The following ASPG variants were observed in gnomAD, a reference collection of about 807,000 sequenced individuals.
ASPG encodes the protein 60 kDa lysophospholipase.
ASPG carries 53 observed loss-of-function variants against 63.2 expected under a neutral mutation model. The ratio of observed to expected loss-of-function variants is 0.84; its 90% CI spans 0.67 to 1.05. The LOEUF (loss-of-function observed/expected upper bound fraction) is 1.05. ASPG is among the 50% of genes least tolerant of loss of function. The pLI is 0.00. For synonymous variants in ASPG, 370 were observed against 355.0 expected (o/e 1.04, Z -0.48); for missense variants, 741 against 794.4 (o/e 0.93, Z 0.81).
chr14:104,093,549 G>T lies in ASPG; in HGVS notation c.250G>T (p.Asp84Tyr). The part of the protein sequence containing the change: ...YTVLECQPLF[D>Y]SSDMTIAEWV... ...CGTGCTGGAGTGCCAGCCCCTCTTC[G>T]ACTCCAGTGACATGACCATCGCTGA... Residue 84 changes from aspartate to tyrosine, a missense_variant, in exon 3 of 16, where the codon GAC becomes TAC. Physicochemically the swap from Asp to Tyr is radical, Grantham distance 160. Transcript: ENST00000551177. 6.2e-7 allele frequency: 1 copy of T among 1,612,608 alleles called. No individual in the cohort carries two copies. Among genetic ancestry groups the T allele is most frequent in the Non-Finnish European group, 8.5e-7 (1 of 1,179,758 alleles).
intron 10 of ASPG, among the ~76,000 whole-genome samples, chr14:104,106,479 G>A (rs767223388): frequency 2.0e-5 from 3 of 152,306 alleles, no homozygotes; most frequent in Admixed American, 2.0e-4. Flanking sequence ...TCCCGACGGC[G>A]GTGGGAGCAG....
intron 3 of ASPG, among the ~76,000 whole-genome samples, chr14:104,094,701 G>A (rs1380664412): frequency 6.6e-6 from 1 of 152,218 alleles, no homozygotes; most frequent in Non-Finnish European, 1.5e-5. Context: ...CGGGCAAGGC[G>A]TGACTGCTTT....
chr14:104,094,433 C>T (rs1420201260), intron 3 of ASPG, among the ~76,000 whole-genome samples: 2 of 151,944 alleles, frequency 1.3e-5, no homozygotes, highest in Non-Finnish European at 2.9e-5. Context: ...CTGTGTGCTC[C>T]CCCTGCAGGC....
intron 15 of ASPG, among the ~76,000 whole-genome samples, chr14:104,112,254 C>G (rs888139795): frequency 2.6e-5 from 4 of 152,080 alleles, no homozygotes; most frequent in African/African-American, 7.2e-5. Flanking sequence ...CACTGAGGGC[C>G]CAGCCAGGGC....
intron 4 of ASPG, among the ~76,000 whole-genome samples, chr14:104,096,631 G>T (rs1031173538): frequency 6.6e-6 from 1 of 152,220 alleles, no homozygotes; most frequent in African/African-American, 2.4e-5. Flanking sequence ...CTCTCTAGGG[G>T]ATCAAGGGCA....
At position 104,085,781 on chromosome 14, in the gene ASPG, CGGTG is replaced by C. The variant is rs2036205212; in HGVS notation, c.14_17del (p.Val5GlyfsTer34). Reference sequence around the variant, plus strand: ...GGTCCCCGGTCCGGCATGGCGCGCGCGGTGGGGCCCGAGCGGAGGCTGCTGGCCG... The same window carrying C: ...GGTCCCCGGTCCGGCATGGCGCGCGCGGGCCCGAGCGGAGGCTGCTGGCCG... On this transcript the variant is annotated frameshift_variant, in exon 1 of 16. Transcript: ENST00000551177. LOFTEE classifies it high-confidence loss of function. The C allele has an allele frequency of 8.8e-6, 14 of 1,584,176 alleles. No individual in the cohort carries two copies. Among genetic ancestry groups the C allele is most frequent in the Non-Finnish European group, 1.1e-5 (13 of 1,172,414 alleles).
Position 104,095,753 on chromosome 14 carries a change from C to T in ASPG, c.429+97C>T, listed in dbSNP as rs2036570463. ...CGGCCGCTGCGGGACCCCGGGCTTC[C>T]TGCTCAGCCCAGCAGCTCCTGAGGT... is the stretch of plus-strand genomic sequence containing the variant. On this transcript the variant is annotated intron_variant, in intron 4 of 15. Coordinates refer to ENST00000551177, the MANE Select transcript of ASPG (RefSeq NM_001080464.3). 9 of 1,505,798 alleles carry T rather than the reference C, an allele frequency of 6.0e-6. No individual in the cohort carries two copies. The Admixed American group carries it at 9.1e-5, about 15-fold the overall frequency. The allele number at this position is 1,505,798 out of a possible 1,614,324, so 93.3% of individuals were successfully genotyped here. A position where few individuals can be genotyped will look rare whatever the true frequency, so the allele number is the denominator to read the frequency against.
intron 14 of ASPG, 124 bp downstream of exon 14, chr14:104,111,725 TC>T: frequency 1.1e-6 from 1 of 897,506 alleles, no homozygotes. Flanking sequence ...TGCCTGGCCC[TC>T]CCCATGCAGG....
chr14:104,111,591 C>A lies in ASPG; in HGVS notation c.1610C>A (p.Ala537Asp), dbSNP rs1328915782. ...CAGCCGGGCTATGACGGGCACAGCG[C>A]CCTGCACGTCGTGAGTGCCCCCACC... ...LGQPGYDGHS[A>D]LHVAEAAGNL... The change falls in exon 14 of 16, where the codon GCC becomes GAC. Residue 537 changes from alanine (A) to aspartate (D), a missense_variant. Transcript: ENST00000551177. 3.2e-6 allele frequency: 5 copies of A among 1,550,252 alleles called. No homozygotes were observed. The African/African-American group carries it at 6.8e-5, about 21-fold the overall frequency.
Position 104,104,732 on chromosome 14 carries a change from G to A in ASPG, c.1047G>A (p.Lys349=), listed in dbSNP as rs768583328. 6.3e-7 allele frequency: 1 copy of A among 1,591,688 alleles called. No individual in the cohort carries two copies. Among genetic ancestry groups the A allele is most frequent in the Admixed American group, 1.7e-5 (1 of 57,742 alleles). Reference sequence around the variant, plus strand: ...CAGGGCTGAGCCTGGATGTCAGGAAGGAGGTGCGGGCGCTCTCGGGCTGTG... The same window carrying A: ...CAGGGCTGAGCCTGGATGTCAGGAAAGAGGTGCGGGCGCTCTCGGGCTGTG... ...GQPGLSLDVR[K]ELLTKDLRGE... Residue 349 remains lysine (K), a synonymous_variant, in exon 9 of 16, where the codon AAG becomes AAA. Coordinates refer to ENST00000551177, the MANE Select transcript of ASPG (RefSeq NM_001080464.3).
Position 104,111,912 on chromosome 14 carries a change from C to T in ASPG, c.1621-8C>T. ...CCAAGGCAGCCCCTCCCCACTGCTT[C>T]CCCATAGGCAGAGGCAGCCGGGAAC... is the stretch of plus-strand genomic sequence containing the variant. On this transcript the variant is annotated splice_region_variant and splice_polypyrimidine_tract_variant and intron_variant, in intron 14 of 15. Coordinates refer to ENST00000551177, the MANE Select transcript of ASPG (RefSeq NM_001080464.3). The T allele has an allele frequency of 6.4e-7, 1 of 1,552,076 alleles. No homozygotes were observed.
At chr14:104,098,534 A>G (rs1013783093) in intron 5 of ASPG, among the ~76,000 whole-genome samples, 1 of 152,106 alleles carries the variant, frequency 6.6e-6, no homozygotes. Context: ...TGTAAGAAGC[A>G]GGGTTGGGGG....
At chr14:104,085,957 C>CCCCCATCCAGGCGCGGATT in intron 1 of ASPG, 105 bp downstream of exon 1, 2 of 1,088,020 alleles carry the variant, frequency 1.8e-6, no homozygotes, top group Non-Finnish European at 2.5e-6. Flanking sequence ...AAATCCGCGC[C>CCCCCATCCAGGCGCGGATT]TGGATGGGGG....
In ASPG at chr14:104,110,573, T is replaced by C; in HGVS notation, c.1521-929T>C. 1 of 985,124 alleles carries C rather than the reference T, an allele frequency of 1.0e-6. No individual in the cohort carries two copies. The highest frequency in any genetic ancestry group is 1.2e-6 in the Non-Finnish European group (1 of 829,794). The allele number at this position is 985,124 out of a possible 1,614,324, so 61.0% of individuals were successfully genotyped here. A position where few individuals can be genotyped will look rare whatever the true frequency, so the allele number is the denominator to read the frequency against. On this transcript the variant is annotated intron_variant, in intron 13 of 15. Coordinates refer to ENST00000551177, the MANE Select transcript of ASPG (RefSeq NM_001080464.3). The surrounding 1 kb of genome is among the most constrained non-coding windows in gnomAD (Gnocchi z 4.7). ...GGCTAGGCCTTCCTAGGGGCCGGTGTGTGTGTGGGGCTTGGCCTCTTGGAG... is the reference window on the plus strand; with the variant it reads ...GGCTAGGCCTTCCTAGGGGCCGGTGCGTGTGTGGGGCTTGGCCTCTTGGAG...
intron 12 of ASPG, 142 bp downstream of exon 12, chr14:104,107,487 G>C: frequency 1.2e-6 from 1 of 845,418 alleles, no homozygotes; most frequent in Non-Finnish European, 1.6e-6. Context: ...CCCGCAGCCC[G>C]GGGCCCAGTA....
intron 12 of ASPG, chr14:104,108,848 G>A (rs1159722510): frequency 2.0e-6 from 2 of 985,294 alleles, no homozygotes. Context: ...CTCATGTAAG[G>A]CTGTCCTCTG....
chr14:104,106,475 C>T (rs563740481), intron 10 of ASPG, among the ~76,000 whole-genome samples: 7 of 152,182 alleles, frequency 4.6e-5, no homozygotes, highest in Admixed American at 2.6e-4. Flanking sequence ...TCCGTCCCGA[C>T]GGCGGTGGGA....
rs369466318 is a variant in ASPG at position 104,095,542 on chromosome 14, G to A, written c.315G>A (p.Glu105=). 2.6e-5 allele frequency: 42 copies of A among 1,612,864 alleles called. No homozygotes were observed. The highest frequency in any genetic ancestry group is 3.3e-5 in the Non-Finnish European group (39 of 1,179,768). ...CLAQTIKRHY[E]QYHGFVVIHG... ...CGCCCCTCCTGCAGAGGCACTACGA[G>A]CAGTACCACGGCTTTGTGGTCATCC... The change falls in exon 4 of 16, where the codon GAG becomes GAA. Residue 105 remains glutamate (E), a synonymous_variant. Transcript: ENST00000551177.
chr14:104,104,875 G>A, intron 9 of ASPG, 140 bp downstream of exon 9: 1 of 721,634 alleles, frequency 1.4e-6, no homozygotes, highest in Non-Finnish European at 2.2e-6. Flanking sequence ...GGAGGGATGT[G>A]GCTCCCTATA....
Sources: gnomAD v4.1 joint callset for allele counts (sites outside exome capture counted in the v4.1 genomes callset) on GRCh38, gnomAD v4.1.1 for gene constraint, Gnocchi (gnomAD v3.1) non-coding constraint, MANE v1.5 for transcripts, NCBI Gene and HGNC (gene_info 2026-07-23, HGNC 2026-07-21) for gene names.